Variants in L3MBTL4 observed in about 807,000 individuals in gnomAD.
L3MBTL4 encodes lethal(3)malignant brain tumor-like protein 4.
In L3MBTL4, 70 loss-of-function variants were observed where a neutral mutation model predicts 84.5. The observed-to-expected ratio is 0.83, with a 90% CI of 0.68 to 1.01. The LOEUF (loss-of-function observed/expected upper bound fraction) is 1.01. Among genes scored for constraint, L3MBTL4 ranks in the 50% least tolerant of loss-of-function variants. The pLI, the probability that L3MBTL4 is intolerant of heterozygous loss-of-function variation, is 0.00. For synonymous variants in L3MBTL4, 274 were observed against 259.8 expected (o/e 1.05, Z -0.52); for missense variants, 715 against 754.8 (o/e 0.95, Z 0.62).
intron 16 of L3MBTL4, among the ~76,000 whole-genome samples, chr18:6,056,043 A>G (rs897739000): frequency 2.6e-5 from 4 of 152,078 alleles, no homozygotes; most frequent in African/African-American, 9.7e-5. Context: ...GGGGAGTGGT[A>G]GTTTCCTCTA....
intron 1 of L3MBTL4, among the ~76,000 whole-genome samples, chr18:6,409,364 A>G (rs914744534): frequency 3.3e-5 from 5 of 152,242 alleles, no homozygotes; most frequent in African/African-American, 9.6e-5. Context: ...TCACAAAAGA[A>G]GGAACGATGA....
chr18:6,092,449 A>T lies in L3MBTL4; in HGVS notation c.1373+906T>A, dbSNP rs147163615. Reference sequence around the variant, plus strand: ...AGAGGCCTATGTGTCTTTATTTTACACCTGCTGAATGCAAAGAGCAAGGCT... The same window carrying T: ...AGAGGCCTATGTGTCTTTATTTTACTCCTGCTGAATGCAAAGAGCAAGGCT... On this transcript the variant is annotated intron_variant, in intron 15 of 18. Transcript: ENST00000317931. 3.0e-3 allele frequency among the ~76,000 whole-genome samples: 452 copies of T among 152,296 alleles called. 3 individuals are homozygous for T. Among genetic ancestry groups the T allele is most frequent in the African/African-American group, 0.011 (438 of 41,562 alleles).
intron 16 of L3MBTL4, among the ~76,000 whole-genome samples, chr18:6,074,712 C>T (rs2057799434): frequency 2.0e-5 from 3 of 152,040 alleles, no homozygotes; most frequent in Admixed American, 2.0e-4. Flanking sequence ...TGAGGTCTAC[C>T]TATACAAGTA....
rs544080888 is a variant in L3MBTL4 at position 6,155,450 on chromosome 18, C to T, written c.1096+16378G>A. Among the ~76,000 whole-genome samples, 17 of 152,256 alleles carry T rather than the reference C, an allele frequency of 1.1e-4. 1 individual carries two copies. The South Asian group carries it at 3.3e-3, about 30-fold the overall frequency. On this transcript the variant is annotated intron_variant, in intron 13 of 18. Transcript: ENST00000317931. Reference sequence around the variant, plus strand: ...CTAGGATGAGAAGCTCCCAAATATGCCATCCTGTGAGTGGGCCATAGAAGA... The same window carrying T: ...CTAGGATGAGAAGCTCCCAAATATGTCATCCTGTGAGTGGGCCATAGAAGA...
chr18:6,222,949 T>TTATATAATATAA (rs1555694507), intron 10 of L3MBTL4, among the ~76,000 whole-genome samples: 111 of 145,640 alleles, frequency 7.6e-4, no homozygotes, highest in Middle Eastern at 7.3e-3. Flanking sequence ...AATTTTTCTA[T>TTATATAATATAA]TATAATATAA....
chr18:6,203,281 G>C (rs1223354002), intron 12 of L3MBTL4, among the ~76,000 whole-genome samples: 1 of 152,174 alleles, frequency 6.6e-6, no homozygotes, highest in African/African-American at 2.4e-5. Flanking sequence ...ATAGGGAAAC[G>C]CTGATTGAGG....
At chr18:6,244,611 A>G in intron 5 of L3MBTL4, 23 bp from the exon 6 acceptor site, 3 of 1,469,016 alleles carry the variant, frequency 2.0e-6, no homozygotes, top group Non-Finnish European at 2.9e-6. Context: ...ACGACATAAC[A>G]TTAGCCACTG....
At position 6,029,721 on chromosome 18, in the gene L3MBTL4, C is replaced by A. The variant is rs554690341; in HGVS notation, c.1444+51160G>T. On this transcript the variant is annotated intron_variant, in intron 16 of 18. Transcript: ENST00000317931. Reference sequence around the variant, plus strand: ...CAAAGGGTAAAATTAAAAGTTAAATCATAAATTTATTGCAATCCAAAAATT... The same window carrying A: ...CAAAGGGTAAAATTAAAAGTTAAATAATAAATTTATTGCAATCCAAAAATT... 4.1e-5 allele frequency: 40 copies of A among 984,958 alleles called. No homozygotes were observed. The South Asian group carries it at 1.7e-3, about 43-fold the overall frequency. The allele number at this position is 984,958 out of a possible 1,614,324, so 61.0% of individuals were successfully genotyped here.
chr18:5,960,290 T>G (rs952389723), intron 17 of L3MBTL4, 134 bp from the exon 18 acceptor site: 24 of 385,520 alleles, frequency 6.2e-5, no homozygotes, highest in Middle Eastern at 3.7e-4. Flanking sequence ...ACTATCAAGT[T>G]GCATTAGCAT....
intron 14 of L3MBTL4, among the ~76,000 whole-genome samples, chr18:6,122,330 G>T (rs1385680770): frequency 2.6e-5 from 4 of 152,092 alleles, no homozygotes; most frequent in Admixed American, 1.3e-4. Context: ...AAAATAAGTT[G>T]TACTATCAAC....
chr18:6,173,529 C>A (rs2044078476), intron 12 of L3MBTL4, among the ~76,000 whole-genome samples: 1 of 152,098 alleles, frequency 6.6e-6, no homozygotes, highest in African/African-American at 2.4e-5. Flanking sequence ...CCTGTCATCC[C>A]AGCACTTTGG....
At chr18:6,381,503 A>C (rs550870097) in intron 1 of L3MBTL4, among the ~76,000 whole-genome samples, 38 of 152,334 alleles carry the variant, frequency 2.5e-4, no homozygotes, top group African/African-American at 7.7e-4. Context: ...TGCTTCCTTC[A>C]GGAGCTCTTG....
At chr18:6,337,881 A>T (rs1184290729) in intron 1 of L3MBTL4, among the ~76,000 whole-genome samples, 1 of 152,112 alleles carries the variant, frequency 6.6e-6, no homozygotes, top group Non-Finnish European at 1.5e-5. Flanking sequence ...AAAAATCTTA[A>T]AAGTAATATG....
chr18:6,128,756 AGCCAG>A (rs2059781306), intron 14 of L3MBTL4, among the ~76,000 whole-genome samples: 1 of 152,156 alleles, frequency 6.6e-6, no homozygotes, highest in Non-Finnish European at 1.5e-5. Flanking sequence ...GAGCTCTCCA[AGCCAG>A]GAATAGAAGC....
chr18:5,971,165 A>G (rs1339896972), intron 16 of L3MBTL4, among the ~76,000 whole-genome samples: 3 of 152,226 alleles, frequency 2.0e-5, no homozygotes, highest in Non-Finnish European at 2.9e-5. Flanking sequence ...TCTTCCTTGA[A>G]AAGGCAGTAT....
intron 1 of L3MBTL4, among the ~76,000 whole-genome samples, chr18:6,361,807 G>T (rs2053706315): frequency 6.6e-6 from 1 of 152,042 alleles, no homozygotes; most frequent in Non-Finnish European, 1.5e-5. Flanking sequence ...CCTCTGCTCT[G>T]AGCAACTGAG....
At chr18:5,997,900 G>A (rs1465140901) in intron 16 of L3MBTL4, among the ~76,000 whole-genome samples, 1 of 152,218 alleles carries the variant, frequency 6.6e-6, no homozygotes, top group Non-Finnish European at 1.5e-5. Flanking sequence ...AGGGACTCGA[G>A]TAGCTGCTTT....
At chr18:5,981,974 C>CTG (rs374606293) in intron 16 of L3MBTL4, among the ~76,000 whole-genome samples, 78,610 of 137,224 alleles carry the variant, frequency 0.57, 25,098 homozygotes, top group Non-Finnish European at 0.75. Flanking sequence ...TTTCAATATT[C>CTG]TGTGTGTGTG....
chr18:6,217,047 C>T lies in L3MBTL4; in HGVS notation c.785-1212G>A, dbSNP rs138485666. ...TGTCCTTTAAGCAGAAAGTCTGAAGCAATATGCTCAATTCTCTAAAATAAG... is the reference window on the plus strand; with the variant it reads ...TGTCCTTTAAGCAGAAAGTCTGAAGTAATATGCTCAATTCTCTAAAATAAG... On this transcript the variant is annotated intron_variant, in intron 10 of 18. Coordinates refer to ENST00000317931, the MANE Select transcript of L3MBTL4 (RefSeq NM_001330559.2). Among the ~76,000 whole-genome samples, 431 of 152,240 alleles carry T rather than the reference C, an allele frequency of 2.8e-3. 3 individuals carry two copies. Among genetic ancestry groups the T allele is most frequent in the African/African-American group, 0.01 (419 of 41,562 alleles).
Sources: allele counts gnomAD v4.1 joint callset (sites outside exome capture counted in the v4.1 genomes callset), GRCh38; gene constraint gnomAD v4.1.1; transcripts MANE v1.5; gene names NCBI Gene and HGNC (gene_info 2026-07-23, HGNC 2026-07-21).